The following SOX6 variants were observed in gnomAD, a reference collection of about 807,000 sequenced individuals.
SOX6 encodes transcription factor SOX-6.
SOX6 carries 11 observed loss-of-function variants against 97.8 expected under a neutral mutation model. That is an observed-to-expected ratio of 0.11 (90% CI 0.07 to 0.19). The LOEUF (loss-of-function observed/expected upper bound fraction) is 0.19, where lower values mean the gene tolerates loss of function less well. SOX6 is among the 10% of genes least tolerant of loss of function. The pLI is 1.00. For missense variants in SOX6, 810 were observed against 1,039.5 expected (o/e 0.78, Z 3.04); for synonymous variants, 360 against 371.4 (o/e 0.97, Z 0.35).
chr11:16,059,895 G>C (rs867982922), intron 9 of SOX6, among the ~76,000 whole-genome samples: 2 of 151,730 alleles, frequency 1.3e-5, no homozygotes, highest in Non-Finnish European at 2.9e-5. Context: ...GTGAAAAAAA[G>C]TTCTATACTG....
At chr11:16,459,139 C>T (rs1038610846) in intron 1 of SOX6, among the ~76,000 whole-genome samples, 1 of 151,928 alleles carries the variant, frequency 6.6e-6, no homozygotes, top group African/African-American at 2.4e-5. Context: ...ATAGGTCATT[C>T]TCCCATCATC....
At chr11:16,132,460 G>GAAA (rs1288971226) in intron 6 of SOX6, among the ~76,000 whole-genome samples, 5 of 130,654 alleles carry the variant, frequency 3.8e-5, no homozygotes, top group African/African-American at 1.5e-4. Flanking sequence ...AAGAAAGAAA[G>GAAA]AAAGAAAGAA....
rs1044023182 is a variant in SOX6, at chr11:16,439,134, A to C, written c.-5+37181T>G. Among the ~76,000 whole-genome samples the C allele has an allele frequency of 2.0e-5, 3 of 152,190 alleles. No homozygotes were observed. The South Asian group carries it at 6.2e-4, about 31-fold the overall frequency. On this transcript the variant is annotated intron_variant, in intron 1 of 15. Coordinates refer to the SOX6 transcript ENST00000396356. ...ATGAAATTAAATATCTAAAAGCTGAATGGCCAACAGAAAAACTATGGGCAA... is the reference window on the plus strand; with the variant it reads ...ATGAAATTAAATATCTAAAAGCTGACTGGCCAACAGAAAAACTATGGGCAA...
chr11:16,128,061 A>C (rs1849650166), intron 6 of SOX6, among the ~76,000 whole-genome samples: 1 of 152,194 alleles, frequency 6.6e-6, no homozygotes, highest in Non-Finnish European at 1.5e-5. Context: ...TATCCCTTGA[A>C]GCTTTCTAAC....
intron 4 of SOX6, among the ~76,000 whole-genome samples, chr11:16,513,374 T>A (rs754352841): frequency 6.6e-6 from 1 of 152,246 alleles, no homozygotes; most frequent in Non-Finnish European, 1.5e-5. Flanking sequence ...GGCTCAGGCC[T>A]GTAATCCCAG....
intron 3 of SOX6, chr11:16,317,877 C>A (rs1855796163): frequency 2.6e-6 from 1 of 382,492 alleles, no homozygotes; most frequent in Non-Finnish European, 5.2e-6. Context: ...TGTACACGAA[C>A]CTGAGTGAAC....
intron 4 of SOX6, among the ~76,000 whole-genome samples, chr11:16,585,681 C>CTTT (rs35531411): frequency 0.27 from 28,799 of 108,158 alleles, 4,384 homozygotes; most frequent in Non-Finnish European, 0.32. Flanking sequence ...TTTTTTTTTA[C>CTTT]TTTTTTTTTT....
intron 12 of SOX6, among the ~76,000 whole-genome samples, chr11:16,036,252 T>C (rs777200811): frequency 3.3e-5 from 5 of 152,070 alleles, no homozygotes; most frequent in Non-Finnish European, 7.4e-5. Context: ...GCTCATTTTG[T>C]ATTTTTAGTA....
intron 3 of SOX6, among the ~76,000 whole-genome samples, chr11:16,677,865 C>T (rs1847896832): frequency 6.6e-6 from 1 of 152,112 alleles, no homozygotes; most frequent in African/African-American, 2.4e-5. Context: ...ACTTACAAAA[C>T]CAATTGCTTT....
rs545530339 is a variant in SOX6, at chr11:16,621,232, T to A, written n.430-8972A>T. The stretch of plus-strand genomic sequence containing the variant: ...GGGCTCATGTACTCCTTGTGATGTC[T>A]GTATTTATTTTCTAATGTCCTTAAG... On this transcript the variant is annotated intron_variant and non_coding_transcript_variant, in intron 3 of 5. Coordinates refer to the SOX6 transcript ENST00000524520. Among the ~76,000 whole-genome samples the A allele has an allele frequency of 2.6e-5, 4 of 152,348 alleles. No individual in the cohort carries two copies. The South Asian group carries it at 8.3e-4, about 32-fold the overall frequency.
chr11:16,557,019 G>A (rs1847756195), intron 4 of SOX6, among the ~76,000 whole-genome samples: 1 of 151,800 alleles, frequency 6.6e-6, no homozygotes, highest in African/African-American at 2.4e-5. Context: ...AGCTTCAGAA[G>A]CCCAAGACTT....
At chr11:16,592,431 T>C (rs1013185858) in intron 4 of SOX6, among the ~76,000 whole-genome samples, 1 of 151,668 alleles carries the variant, frequency 6.6e-6, no homozygotes, top group Non-Finnish European at 1.5e-5. Flanking sequence ...TAGGTTACTA[T>C]GTGATAACAC....
intron 2 of SOX6, among the ~76,000 whole-genome samples, chr11:16,329,210 T>C (rs971571745): frequency 1.3e-5 from 2 of 152,180 alleles, no homozygotes; most frequent in Non-Finnish European, 2.9e-5. Flanking sequence ...GTTTCCTAAA[T>C]GTTATTTCAA....
chr11:16,422,517 T>C (rs1466014403), intron 1 of SOX6, among the ~76,000 whole-genome samples: 1 of 152,166 alleles, frequency 6.6e-6, no homozygotes, highest in Non-Finnish European at 1.5e-5. Flanking sequence ...AGAGATTAAA[T>C]ATATGGGAAG....
chr11:16,200,459 T>C (rs182660393), intron 4 of SOX6, among the ~76,000 whole-genome samples: 1 of 152,346 alleles, frequency 6.6e-6, no homozygotes, highest in East Asian at 1.9e-4. Context: ...CTTTTATACT[T>C]AAGGTTTAAA....
chr11:16,321,262 C>CAA (rs78785045), intron 2 of SOX6, among the ~76,000 whole-genome samples: 26 of 67,124 alleles, frequency 3.9e-4, no homozygotes, highest in African/African-American at 1.1e-3. Flanking sequence ...ACATTATGGC[C>CAA]AAAAAAAAAA....
At chr11:16,680,284 A>G (rs1437102592) in intron 3 of SOX6, among the ~76,000 whole-genome samples, 1 of 152,242 alleles carries the variant, frequency 6.6e-6, no homozygotes, top group East Asian at 1.9e-4. Context: ...ACAAGCCAGA[A>G]GAGAGTGGGG....
At chr11:16,428,841 A>G (rs753598673) in intron 1 of SOX6, among the ~76,000 whole-genome samples, 16 of 152,110 alleles carry the variant, frequency 1.1e-4, no homozygotes, top group Non-Finnish European at 1.8e-4. Context: ...GCTTTAATGT[A>G]GTTTTTTCCA....
intron 6 of SOX6, among the ~76,000 whole-genome samples, chr11:16,136,809 T>C (rs1849978334): frequency 6.6e-6 from 1 of 152,164 alleles, no homozygotes; most frequent in Non-Finnish European, 1.5e-5. Flanking sequence ...CACTTTATTG[T>C]GGTGGTCTGG....
Sources: allele counts gnomAD v4.1 joint callset (sites outside exome capture counted in the v4.1 genomes callset), GRCh38; gene constraint gnomAD v4.1.1; transcripts MANE v1.5; gene names NCBI Gene and HGNC (gene_info 2026-07-23, HGNC 2026-07-21).